ALOXE3: variants seen among roughly 807,000 people sequenced by gnomAD.
ALOXE3 encodes hydroperoxide isomerase ALOXE3.
Under a neutral mutation model 87.5 loss-of-function variants are expected in ALOXE3, and 78 were observed. The ratio of observed to expected loss-of-function variants is 0.89; its 90% CI spans 0.74 to 1.08. ALOXE3 has a LOEUF of 1.08. ALOXE3 is among the 50% of genes least tolerant of loss of function. The pLI, the probability that ALOXE3 is intolerant of heterozygous loss-of-function variation, is 0.00. For missense variants in ALOXE3, 946 were observed against 912.4 expected, an observed-to-expected ratio of 1.04 and a Z score of -0.47; for synonymous variants, 363 against 370.8, an observed-to-expected ratio of 0.98 and a Z score of 0.24.
In ALOXE3 at chr17:8,108,585, C is replaced by A. The variant is rs1217207367; in HGVS notation, c.1567G>T (p.Val523Phe). The change falls in exon 13 of 16, where the codon GTC becomes TTC. Residue 523 changes from valine (V) to phenylalanine (F), a missense_variant. Physicochemically the swap from Val to Phe is conservative, Grantham distance 50. Coordinates refer to ENST00000448843, the MANE Select transcript of ALOXE3 (RefSeq NM_021628.3). ...TAATAGTAGCCCACGATTTCTGAGACAAAGCTGCAGGAAAGAGATGCTGGT... is the reference window on the plus strand; with the variant it reads ...TAATAGTAGCCCACGATTTCTGAGAAAAAGCTGCAGGAAAGAGATGCTGGT... ...LKIWAAIESF[V>F]SEIVGYYYPS... 6.2e-7 allele frequency: 1 copy of A among 1,611,248 alleles called. No individual in the cohort carries two copies. The highest frequency in any genetic ancestry group is 8.5e-7 in the Non-Finnish European group (1 of 1,178,306).
intron 2 of ALOXE3, 62 bp downstream of exon 2, chr17:8,117,782 C>T: frequency 6.4e-7 from 1 of 1,570,932 alleles, no homozygotes; most frequent in Non-Finnish European, 8.6e-7. Context: ...AGGAGGAATA[C>T]TCCTCCCGCC....
Position 8,103,394 on chromosome 17 carries a change from G to A in ALOXE3, c.1885C>T (p.Leu629Phe). 1 of 1,614,154 alleles carries A rather than the reference G, an allele frequency of 6.2e-7. No homozygotes were observed. Among genetic ancestry groups the A allele is most frequent in the Non-Finnish European group, 8.5e-7 (1 of 1,180,022 alleles). The change falls in exon 15 of 16, where the codon CTC becomes TTC. Residue 629 changes from leucine (L) to phenylalanine (F), a missense_variant. By Grantham distance (22) the Leu-to-Phe change is conservative. Coordinates refer to ENST00000448843, the MANE Select transcript of ALOXE3 (RefSeq NM_021628.3). ...TTACAGCTGATGTTCACTTCAGGGA[G>A]GGTGTCTAGGTAAGTCTTCAGGGTG... is the stretch of plus-strand genomic sequence containing the variant. ...TTTLKTYLDTLPEVNISCNNL... is the reference protein window; with the variant it reads ...TTTLKTYLDTFPEVNISCNNL...
At position 8,110,428 on chromosome 17, in the gene ALOXE3, A is replaced by T; in HGVS notation, c.1058T>A (p.Leu353Gln). Residue 353 changes from leucine to glutamine, a missense_variant, in exon 9 of 16, where the codon CTG (leucine) becomes CAG (glutamine). Coordinates refer to ENST00000448843, the MANE Select transcript of ALOXE3 (RefSeq NM_021628.3). The stretch of plus-strand genomic sequence containing the variant: ...CAGCGCCCCCTGGGGGCTGAGCCAC[A>T]GCAGGCACAGTGGGGCGGCCACGTA... Reference protein sequence around the residue: ...QQYVAAPLCLLWLSPQGALVP... With the variant: ...QQYVAAPLCLQWLSPQGALVP... The T allele has an allele frequency of 1.2e-6, 2 of 1,612,508 alleles. No individual in the cohort carries two copies. Among genetic ancestry groups the T allele is most frequent in the Non-Finnish European group, 1.7e-6 (2 of 1,179,234 alleles).
chr17:8,118,864 A>C, upstream of ALOXE3: 1 of 1,525,870 alleles, frequency 6.6e-7, no homozygotes, highest in South Asian at 1.2e-5. Context: ...GGGACTGGGG[A>C]GGAACCTCTC....
chr17:8,118,865 G>A, upstream of ALOXE3: 1 of 1,525,210 alleles, frequency 6.6e-7, no homozygotes, highest in Non-Finnish European at 8.8e-7. Context: ...GGACTGGGGA[G>A]GAACCTCTCA....
At chr17:8,116,502 G>A (rs1440157506) in intron 3 of ALOXE3, among the ~76,000 whole-genome samples, 1 of 152,190 alleles carries the variant, frequency 6.6e-6, no homozygotes, top group Non-Finnish European at 1.5e-5. Flanking sequence ...GAGGGAGGCT[G>A]TGGAAAGCAA....
Position 8,095,927 on chromosome 17 carries a change from G to GAAC in ALOXE3, c.*697_*699dup, listed in dbSNP as rs1260253325. 6.6e-6 allele frequency: 1 copy of GAAC among 152,298 alleles called. No homozygotes were observed. Among genetic ancestry groups the GAAC allele is most frequent in the Non-Finnish European group, 1.5e-5 (1 of 68,110 alleles). The allele number at this position is 152,298 out of a possible 1,614,324, so 9.4% of individuals were successfully genotyped here. On this transcript the variant is annotated 3_prime_UTR_variant, in exon 16 of 16. Transcript: ENST00000448843. The stretch of plus-strand genomic sequence containing the variant: ...AGAGCCAAATATTTTGGTTTTTATT[G>GAAC]AACTCACTGGGCTCAAGGACAGAAA...
rs1013054073 is a variant in ALOXE3, at chr17:8,118,485, C to T, written c.-314+1G>A. 62 of 1,545,450 alleles carry T rather than the reference C, an allele frequency of 4.0e-5. No individual in the cohort carries two copies. The Admixed American group carries it at 8.6e-4, about 22-fold the overall frequency. Reference sequence around the variant, plus strand: ...CCCAGGCAGAGATGAGCACAGGGCACCTGCATTCCTACGTGTGAATCATCC... The same window carrying T: ...CCCAGGCAGAGATGAGCACAGGGCATCTGCATTCCTACGTGTGAATCATCC... On this transcript the variant is annotated splice_donor_variant, in intron 1 of 15. Transcript: ENST00000448843. LOFTEE classifies it low-confidence loss of function (5UTR_SPLICE).
chr17:8,110,451 GTACTGCT>G lies in ALOXE3; in HGVS notation c.1028_1034del (p.Gln343ProfsTer103), dbSNP rs767471925. 1 of 1,613,498 alleles carries G rather than the reference GTACTGCT, an allele frequency of 6.2e-7. No homozygotes were observed. Among genetic ancestry groups the G allele is most frequent in the Admixed American group, 1.7e-5 (1 of 59,992 alleles). On this transcript the variant is annotated frameshift_variant, in exon 9 of 16. Coordinates refer to ENST00000448843, the MANE Select transcript of ALOXE3 (RefSeq NM_021628.3). LOFTEE classifies it high-confidence loss of function. Reference sequence around the variant, plus strand: ...ACAGCAGGCACAGTGGGGCGGCCACGTACTGCTGGCGGCCGTTTAGGCAGTGGGTGGG... The same window carrying G: ...ACAGCAGGCACAGTGGGGCGGCCACGGGCGGCCGTTTAGGCAGTGGGTGGG...
chr17:8,104,808 A>G (rs3027291), intron 13 of ALOXE3, among the ~76,000 whole-genome samples: 2,853 of 152,258 alleles, frequency 0.019, 91 homozygotes, highest in African/African-American at 0.061. Context: ...TGAGCCTCCA[A>G]TGGAAAAAAG....
intron 8 of ALOXE3, among the ~76,000 whole-genome samples, chr17:8,111,022 G>A (rs1980029060): frequency 6.6e-6 from 1 of 152,126 alleles, no homozygotes; most frequent in African/African-American, 2.4e-5. Flanking sequence ...CCTACCATTG[G>A]CCTGTCCTAA....
At chr17:8,111,775 C>T (rs1980112171) in intron 7 of ALOXE3, among the ~76,000 whole-genome samples, 1 of 152,144 alleles carries the variant, frequency 6.6e-6, no homozygotes, top group Non-Finnish European at 1.5e-5. Context: ...GCCCGGAGCA[C>T]TTGGTGGTTG....
chr17:8,096,678 C>T lies in ALOXE3; in HGVS notation c.2085G>A (p.Leu695=). 1 of 1,560,340 alleles carries T rather than the reference C, an allele frequency of 6.4e-7. No individual in the cohort carries two copies. The highest frequency in any genetic ancestry group is 1.1e-5 in the South Asian group (1 of 90,014). The part of the protein sequence containing the change: ...DIQERNQGLA[L]PYTYLDPPLI... ...GGGGAGGGTCCAGGTAGGTGTAGGG[C>T]AGTGCCAGACCCTGGTTCCGCTCCT... The change falls in exon 16 of 16, where the codon CTG becomes CTA. Residue 695 remains leucine (L), a synonymous_variant. Transcript: ENST00000448843.
chr17:8,102,223 G>A (rs778473351), intron 15 of ALOXE3, among the ~76,000 whole-genome samples: 3 of 152,154 alleles, frequency 2.0e-5, no homozygotes, highest in Non-Finnish European at 2.9e-5. Context: ...GGCCGTGCGC[G>A]GTGGCTCACA....
intron 6 of ALOXE3, 52 bp downstream of exon 6, chr17:8,114,432 G>A: frequency 1.2e-6 from 2 of 1,613,442 alleles, no homozygotes; most frequent in Non-Finnish European, 1.7e-6. Context: ...CACGGGGAGG[G>A]GGATGGATGG....
At chr17:8,116,642 A>G in intron 3 of ALOXE3, 134 bp downstream of exon 3, 1 of 1,105,630 alleles carries the variant, frequency 9.0e-7, no homozygotes, top group South Asian at 1.4e-5. Context: ...CCCTTTTTTC[A>G]GAAAACATCT....
At chr17:8,103,640 G>A in intron 14 of ALOXE3, 147 bp from the exon 15 acceptor site, 3 of 921,968 alleles carry the variant, frequency 3.3e-6, no homozygotes, top group Non-Finnish European at 5.1e-6. Context: ...GCTGGGAAAT[G>A]AGGGGATCAT....
chr17:8,097,166 G>C (rs768022902), intron 15 of ALOXE3, among the ~76,000 whole-genome samples: 1 of 152,124 alleles, frequency 6.6e-6, no homozygotes, highest in Non-Finnish European at 1.5e-5. Flanking sequence ...GTCTCACTCT[G>C]TTGCCCAGGC....
At chr17:8,104,471 C>T (rs1254485976) in intron 13 of ALOXE3, among the ~76,000 whole-genome samples, 1 of 152,136 alleles carries the variant, frequency 6.6e-6, no homozygotes, top group East Asian at 1.9e-4. Flanking sequence ...CAGCTTCAAG[C>T]CCAAGTGCCC....
Sources: allele counts gnomAD v4.1 joint callset (sites outside exome capture counted in the v4.1 genomes callset), GRCh38; gene constraint gnomAD v4.1.1; transcripts MANE v1.5; gene names NCBI Gene and HGNC (gene_info 2026-07-23, HGNC 2026-07-21).